The following SNRNP48 variants were observed in gnomAD, a reference collection of about 807,000 sequenced individuals.
SNRNP48 encodes the protein small nuclear ribonucleoprotein U11/U12 subunit 48.
In SNRNP48, 43 loss-of-function variants were observed where a neutral mutation model predicts 47.0. The ratio of observed to expected loss-of-function variants is 0.92; its 90% CI spans 0.72 to 1.18. The LOEUF is 1.18. Ranked by LOEUF, SNRNP48 falls within the 50% of genes most tolerant of loss-of-function variation. SNRNP48 has a pLI of 0.00. For missense variants in SNRNP48, 396 were observed against 422.2 expected, an observed-to-expected ratio of 0.94 and a Z score of 0.54; for synonymous variants, 138 against 144.0, an observed-to-expected ratio of 0.96 and a Z score of 0.30.
At chr6:7,599,879 A>T in intron 4 of SNRNP48, 1 of 1,017,096 alleles carries the variant, frequency 9.8e-7, no homozygotes, top group Non-Finnish European at 1.2e-6. Flanking sequence ...AAGAAATTTA[A>T]GATGAATAAA....
Position 7,590,271 on chromosome 6 carries a change from C to T in SNRNP48, c.14C>T (p.Pro5Leu), listed in dbSNP as rs1433263146. 1.2e-5 allele frequency: 16 copies of T among 1,355,586 alleles called. No homozygotes were observed. Among genetic ancestry groups the T allele is most frequent in the Non-Finnish European group, 1.4e-5 (15 of 1,043,044 alleles). 84.0% of individuals were successfully genotyped at this position (1,355,586 alleles called of 1,614,324 possible). MEGE[P>L]PPVEERRRLQ... ...TGGGCTGCAGCTATGGAGGGCGAGC[C>T]TCCACCTGTGGAGGAGCGGCGGCGG... The change falls in exon 1 of 9, where the codon CCT becomes CTT. Residue 5 changes from proline to leucine, a missense_variant. Coordinates refer to ENST00000342415, the MANE Select transcript of SNRNP48 (RefSeq NM_152551.4).
At chr6:7,604,167 G>C (rs1304424270) in intron 6 of SNRNP48, among the ~76,000 whole-genome samples, 1 of 152,238 alleles carries the variant, frequency 6.6e-6, no homozygotes. Flanking sequence ...CGCTTACATA[G>C]AGCTGCTGAC....
chr6:7,590,521 C>T lies in SNRNP48; in HGVS notation c.156+108C>T, dbSNP rs1473589839. The T allele has an allele frequency of 2.5e-6, 3 of 1,183,760 alleles. No individual in the cohort carries two copies. In the East Asian group the frequency reaches 9.5e-5, roughly 38 times the overall value. 73.3% of individuals were successfully genotyped at this position (1,183,760 alleles called of 1,614,324 possible). A position where few individuals can be genotyped will look rare whatever the true frequency, so the allele number is the denominator to read the frequency against. ...CGCGGAGGGAAGGGCGAGGAGTCCT[C>T]GTCCGTGTGCAGAGCCGCGATGGGC... On this transcript the variant is annotated intron_variant, in intron 1 of 8. Transcript: ENST00000342415.
chr6:7,599,318 T>C (rs1484654602), intron 4 of SNRNP48, among the ~76,000 whole-genome samples: 4 of 152,108 alleles, frequency 2.6e-5, no homozygotes, highest in Admixed American at 1.3e-4. Flanking sequence ...GAGTTTCAAT[T>C]TGGGGTGACG....
Position 7,608,847 on chromosome 6 carries a change from C to A in SNRNP48, c.994C>A (p.His332Asn). Residue 332 changes from histidine to asparagine, a missense_variant, in exon 9 of 9, where the codon CAT becomes AAT. Coordinates refer to ENST00000342415, the MANE Select transcript of SNRNP48 (RefSeq NM_152551.4). ...CAGGGATGGGGAAAGACACCATAGTCATAAAAGAAGAAAGCAAAAAATATA... is the reference window on the plus strand; with the variant it reads ...CAGGGATGGGGAAAGACACCATAGTAATAAAAGAAGAAAGCAAAAAATATA... Reference protein sequence around the residue: ...KERDGERHHSHKRRKQKI With the variant: ...KERDGERHHSNKRRKQKI The A allele has an allele frequency of 6.6e-7, 1 of 1,521,716 alleles. No individual in the cohort carries two copies. The highest frequency in any genetic ancestry group is 8.9e-7 in the Non-Finnish European group (1 of 1,118,586). 94.3% of individuals were successfully genotyped at this position (1,521,716 alleles called of 1,614,324 possible). A position where few individuals can be genotyped will look rare whatever the true frequency, so the allele number is the denominator to read the frequency against.
intron 4 of SNRNP48, chr6:7,600,535 T>C (rs907356013): frequency 6.6e-6 from 1 of 152,244 alleles, no homozygotes; most frequent in Non-Finnish European, 1.5e-5. Flanking sequence ...CATTTTTTTA[T>C]TTGAGAAAAT....
chr6:7,604,029 C>A (rs1760081573), intron 6 of SNRNP48, among the ~76,000 whole-genome samples: 1 of 152,134 alleles, frequency 6.6e-6, no homozygotes, highest in Non-Finnish European at 1.5e-5. Context: ...TTGGCAAGGG[C>A]TTCATAGAGA....
chr6:7,592,389 T>TA (rs1759834548), intron 1 of SNRNP48, among the ~76,000 whole-genome samples: 1 of 151,500 alleles, frequency 6.6e-6, no homozygotes, highest in South Asian at 2.1e-4. Flanking sequence ...TTTTTTTTTT[T>TA]AATGAAGGCA....
rs181866396 is a variant in SNRNP48 at position 7,598,058 on chromosome 6, G to A, written c.406+2957G>A. ...TTTCTTGTATTTTTTTAGTAGAGACGGGGTTTCACTGTGTTAGCCACGATG... is the reference window on the plus strand; with the variant it reads ...TTTCTTGTATTTTTTTAGTAGAGACAGGGTTTCACTGTGTTAGCCACGATG... On this transcript the variant is annotated intron_variant, in intron 4 of 8. Transcript: ENST00000342415. 7.0e-3 allele frequency among the ~76,000 whole-genome samples: 1,054 copies of A among 151,270 alleles called. 2 individuals carry two copies. Among genetic ancestry groups the A allele is most frequent in the Non-Finnish European group, 0.012 (801 of 67,742 alleles).
intron 4 of SNRNP48, 103 bp downstream of exon 4, chr6:7,595,204 A>T: frequency 1.0e-6 from 1 of 957,198 alleles, no homozygotes; most frequent in South Asian, 1.7e-5. Context: ...AAACTGTTAC[A>T]TGGGAAAGGT....
chr6:7,607,334 C>T, intron 8 of SNRNP48, among the ~76,000 whole-genome samples: 1 of 152,122 alleles, frequency 6.6e-6, no homozygotes, highest in East Asian at 1.9e-4. Flanking sequence ...AGTGAGAACT[C>T]TTCAGTGGCA....
intron 6 of SNRNP48, among the ~76,000 whole-genome samples, chr6:7,605,088 G>C (rs771199023): frequency 4.0e-5 from 6 of 151,744 alleles, no homozygotes; most frequent in Non-Finnish European, 5.9e-5. Context: ...ATTCTTTAAG[G>C]GTTAAATTAC....
chr6:7,595,142 T>A, intron 4 of SNRNP48, 41 bp downstream of exon 4: 1 of 1,475,062 alleles, frequency 6.8e-7, no homozygotes, highest in Non-Finnish European at 9.1e-7. Context: ...AGAATGAAAT[T>A]ATTATTTTTC....
chr6:7,592,948 G>A (rs1759844825), intron 1 of SNRNP48, among the ~76,000 whole-genome samples: 1 of 152,060 alleles, frequency 6.6e-6, no homozygotes, highest in Non-Finnish European at 1.5e-5. Context: ...TGAGCAAGGG[G>A]GACCTTTCAC....
rs1581842914 is a variant in SNRNP48 at position 7,610,924 on chromosome 6, A to G, written c.*2051A>G. ...TGTGCCTGCAGCCTCATAGGTGTTA[A>G]TCTGTAATTTTAAATTTTGACAAAA... On this transcript the variant is annotated 3_prime_UTR_variant, in exon 9 of 9. Coordinates refer to ENST00000342415, the MANE Select transcript of SNRNP48 (RefSeq NM_152551.4). 1 of 152,224 alleles carries G rather than the reference A, an allele frequency of 6.6e-6. No individual in the cohort carries two copies. Among genetic ancestry groups the G allele is most frequent in the Non-Finnish European group, 1.5e-5 (1 of 68,042 alleles). The allele number at this position is 152,224 out of a possible 1,614,324, so 9.4% of individuals were successfully genotyped here.
chr6:7,594,095 TC>T lies in SNRNP48; in HGVS notation c.271-3del. The T allele has an allele frequency of 1.4e-6, 2 of 1,425,790 alleles. No homozygotes were observed. The highest frequency in any genetic ancestry group is 1.4e-5 in the South Asian group (1 of 73,030). 88.3% of individuals were successfully genotyped at this position (1,425,790 alleles called of 1,614,324 possible). A position where few individuals can be genotyped will look rare whatever the true frequency, so the allele number is the denominator to read the frequency against. ...TTAAGAACAGTAAGATTCTTTTTTTTCAGGATGAAATGTATAATCCTGAGTT... is the reference window on the plus strand; with the variant it reads ...TTAAGAACAGTAAGATTCTTTTTTTTAGGATGAAATGTATAATCCTGAGTT... On this transcript the variant is annotated splice_region_variant and splice_polypyrimidine_tract_variant and intron_variant, in intron 2 of 8. Coordinates refer to ENST00000342415, the MANE Select transcript of SNRNP48 (RefSeq NM_152551.4).
At chr6:7,593,072 GAAAC>G (rs1173628705) in intron 1 of SNRNP48, among the ~76,000 whole-genome samples, 1 of 152,052 alleles carries the variant, frequency 6.6e-6, no homozygotes, top group East Asian at 1.9e-4. Context: ...GTACTGGAGA[GAAAC>G]AAGGTTTAAA....
intron 4 of SNRNP48, among the ~76,000 whole-genome samples, chr6:7,595,800 A>T (rs1035588992): frequency 1.1e-4 from 16 of 152,352 alleles, no homozygotes; most frequent in African/African-American, 3.8e-4. Context: ...AAAAAAGTAC[A>T]AACACAAAAG....
intron 6 of SNRNP48, among the ~76,000 whole-genome samples, chr6:7,604,253 G>T (rs764828039): frequency 1.3e-5 from 2 of 152,246 alleles, no homozygotes; most frequent in African/African-American, 4.8e-5. Flanking sequence ...ATGTCACTCC[G>T]CTAGGTTGGA....
Sources: gnomAD v4.1 joint callset for allele counts (sites outside exome capture counted in the v4.1 genomes callset) on GRCh38, gnomAD v4.1.1 for gene constraint, MANE v1.5 for transcripts, NCBI Gene and HGNC (gene_info 2026-07-23, HGNC 2026-07-21) for gene names.